Variants in LRRC47 observed in about 807,000 individuals in gnomAD.
LRRC47 encodes the protein leucine rich repeat containing 47, also known as leucine-rich repeat-containing protein 47.
Under a neutral mutation model 40.9 loss-of-function variants are expected in LRRC47, and 31 were observed. That is an observed-to-expected ratio of 0.76 (90% CI 0.57 to 1.02). The LOEUF (loss-of-function observed/expected upper bound fraction) is 1.02. Ranked by LOEUF, LRRC47 falls within the 50% of genes least tolerant of loss-of-function variation. LRRC47 has a pLI of 0.00. For missense variants in LRRC47, 726 were observed against 796.1 expected (o/e 0.91, Z 1.06); for synonymous variants, 427 against 371.9 (o/e 1.15, Z -1.70).
rs968899167 is a variant in LRRC47, at chr1:3,780,102, G to C, written c.*986C>G. Reference sequence around the variant, plus strand: ...GTGCCGTTCAAGGAAACGCACATCGGTTGGCTTCCCAAGTTTTCGGGTCTC... The same window carrying C: ...GTGCCGTTCAAGGAAACGCACATCGCTTGGCTTCCCAAGTTTTCGGGTCTC... On this transcript the variant is annotated 3_prime_UTR_variant, in exon 7 of 7. Coordinates refer to ENST00000378251, the MANE Select transcript of LRRC47 (RefSeq NM_020710.3). 14 of 152,218 alleles carry C rather than the reference G, an allele frequency of 9.2e-5. No homozygotes were observed. The highest frequency in any genetic ancestry group is 3.4e-4 in the African/African-American group (14 of 41,442). 9.4% of individuals were successfully genotyped at this position (152,218 alleles called of 1,614,324 possible).
chr1:3,782,805 G>C (rs766513821), intron 4 of LRRC47, 42 bp from the exon 5 acceptor site: 1 of 1,206,424 alleles, frequency 8.3e-7, no homozygotes, highest in Non-Finnish European at 1.2e-6. Flanking sequence ...AATTATAAAA[G>C]AAACACTGTG....
In LRRC47 at chr1:3,791,479, G is replaced by A. The variant is rs1488874350; in HGVS notation, c.616-4169C>T. Among the ~76,000 whole-genome samples the A allele has an allele frequency of 3.3e-5, 5 of 151,884 alleles. No individual in the cohort carries two copies. The South Asian group carries it at 6.2e-4, about 19-fold the overall frequency. On this transcript the variant is annotated intron_variant, in intron 1 of 6. Coordinates refer to ENST00000378251, the MANE Select transcript of LRRC47 (RefSeq NM_020710.3). The stretch of plus-strand genomic sequence containing the variant: ...TCTTTCTCTCCTTTTTTCTTGAGAC[G>A]AAGTTTCACTCTTATTGCCCAGACT...
At chr1:3,790,608 C>T (rs1051993004) in intron 1 of LRRC47, among the ~76,000 whole-genome samples, 5 of 152,214 alleles carry the variant, frequency 3.3e-5, no homozygotes, top group Non-Finnish European at 5.9e-5. Context: ...CAGGGAGGGC[C>T]GGCCGGGTGC....
chr1:3,796,277 C>T lies in LRRC47; in HGVS notation c.200G>A (p.Gly67Glu), dbSNP rs1643675475. ...CGGCAGGCCCTGCGCCAGGCCAGGC[C>T]CCGGCGCGCGCAAGCTCCCGCAGCC... ...VSGCGSLRAPGPGLAQGLPQL... is the reference protein window; with the variant it reads ...VSGCGSLRAPEPGLAQGLPQL... Residue 67 changes from glycine (G) to glutamate (E), a missense_variant, in exon 1 of 7, where the codon GGG (glycine) becomes GAG (glutamate). Gly to Glu is a moderately conservative substitution (Grantham distance 98, BLOSUM62 -2). Transcript: ENST00000378251. 1 of 1,478,830 alleles carries T rather than the reference C, an allele frequency of 6.8e-7. No homozygotes were observed. The highest frequency in any genetic ancestry group is 1.5e-5 in the African/African-American group (1 of 68,090). 91.6% of individuals were successfully genotyped at this position (1,478,830 alleles called of 1,614,324 possible). A position where few individuals can be genotyped will look rare whatever the true frequency, so the allele number is the denominator to read the frequency against.
intron 1 of LRRC47, among the ~76,000 whole-genome samples, chr1:3,789,478 G>T (rs1015249000): frequency 1.3e-5 from 2 of 152,288 alleles, no homozygotes; most frequent in Non-Finnish European, 2.9e-5. Context: ...TCAGACCCAG[G>T]AGCAGCAGCA....
At chr1:3,786,623 C>A (rs1472392177) in intron 2 of LRRC47, among the ~76,000 whole-genome samples, 1 of 152,242 alleles carries the variant, frequency 6.6e-6, no homozygotes, top group African/African-American at 2.4e-5. Context: ...GCTGGAGACA[C>A]CTGCCTCCCG....
Position 3,787,099 on chromosome 1 carries a change from T to C in LRRC47, c.827A>G (p.Glu276Gly), listed in dbSNP as rs779423452. ...CCTCTTCCTCCGGCTCTCTTCCTTC[T>C]CCGAGCCCTCGGCACGGCCCTTGCC... Reference protein sequence around the residue: ...GKGKGRAEGSEKEESRRKRRE... With the variant: ...GKGKGRAEGSGKEESRRKRRE... Residue 276 changes from glutamate (E) to glycine (G), a missense_variant, in exon 2 of 7, where the codon GAG becomes GGG. Transcript: ENST00000378251. 3.3e-5 allele frequency: 53 copies of C among 1,613,612 alleles called. No individual in the cohort carries two copies. The highest frequency in any genetic ancestry group is 2.7e-5 in the Non-Finnish European group (32 of 1,179,984).
chr1:3,786,239 C>G (rs949103169), intron 2 of LRRC47, among the ~76,000 whole-genome samples: 2 of 152,118 alleles, frequency 1.3e-5, no homozygotes, highest in East Asian at 3.9e-4. Flanking sequence ...GGCTGACACC[C>G]GTAATCCCCA....
intron 2 of LRRC47, among the ~76,000 whole-genome samples, chr1:3,786,456 C>T (rs530406617): frequency 4.9e-4 from 74 of 152,042 alleles, no homozygotes; most frequent in Non-Finnish European, 8.4e-4. Flanking sequence ...GATTAGACTG[C>T]GCCACCGTAC....
At chr1:3,786,161 C>T (rs1369336902) in intron 2 of LRRC47, among the ~76,000 whole-genome samples, 1 of 152,058 alleles carries the variant, frequency 6.6e-6, no homozygotes, top group Admixed American at 6.5e-5. Flanking sequence ...TGAGCCACCG[C>T]ACCAGCTGGA....
intron 1 of LRRC47, among the ~76,000 whole-genome samples, chr1:3,790,507 A>G (rs1643617392): frequency 6.6e-6 from 1 of 152,166 alleles, no homozygotes. Flanking sequence ...GCCACTTACA[A>G]TGCAGTCAGG....
rs1213370546 is a variant in LRRC47 at position 3,779,428 on chromosome 1, G to A, written c.*1660C>T. Reference sequence around the variant, plus strand: ...CACATGGCACCCAGATCGTAAGGCAGTGGGGTCTGTAAAATCATCGCGGTG... The same window carrying A: ...CACATGGCACCCAGATCGTAAGGCAATGGGGTCTGTAAAATCATCGCGGTG... On this transcript the variant is annotated 3_prime_UTR_variant, in exon 7 of 7. Transcript: ENST00000378251. 6.6e-6 allele frequency: 1 copy of A among 152,260 alleles called. No individual in the cohort carries two copies. The highest frequency in any genetic ancestry group is 1.5e-5 in the Non-Finnish European group (1 of 68,050). 9.4% of individuals were successfully genotyped at this position (152,260 alleles called of 1,614,324 possible).
At chr1:3,784,529 C>A (rs527860266) in intron 3 of LRRC47, among the ~76,000 whole-genome samples, 1 of 152,076 alleles carries the variant, frequency 6.6e-6, no homozygotes, top group East Asian at 1.9e-4. Flanking sequence ...ACTATCGGGA[C>A]AGAGACCAAA....
chr1:3,793,369 A>G (rs1643644133), intron 1 of LRRC47, among the ~76,000 whole-genome samples: 1 of 152,212 alleles, frequency 6.6e-6, no homozygotes. Context: ...CTGGGATTAC[A>G]GGCAGGAGCC....
chr1:3,784,213 G>A lies in LRRC47; in HGVS notation c.1195-102C>T, dbSNP rs371368494. The A allele has an allele frequency of 1.8e-4, 166 of 929,728 alleles. 1 individual carries two copies. Among genetic ancestry groups the A allele is most frequent in the Non-Finnish European group, 2.2e-4 (136 of 605,248 alleles). 57.6% of individuals were successfully genotyped at this position (929,728 alleles called of 1,614,324 possible). On this transcript the variant is annotated intron_variant, in intron 3 of 6. Transcript: ENST00000378251. ...GCCTCAATGAGCCCTCCCGACTCCCGCCCTCATTCATCTCTACAGCAGGCA... is the reference window on the plus strand; with the variant it reads ...GCCTCAATGAGCCCTCCCGACTCCCACCCTCATTCATCTCTACAGCAGGCA...
At chr1:3,782,858 G>A in intron 4 of LRRC47, 95 bp from the exon 5 acceptor site, 2 of 796,042 alleles carry the variant, frequency 2.5e-6, no homozygotes, top group Non-Finnish European at 4.5e-6. Flanking sequence ...CACTCAGGAG[G>A]CTGAGACAGG....
At position 3,787,946 on chromosome 1, in the gene LRRC47, C is replaced by G. The variant is rs111498220; in HGVS notation, c.616-636G>C. Among the ~76,000 whole-genome samples the G allele has an allele frequency of 3.1e-3, 472 of 152,328 alleles. 1 individual carries two copies. Among genetic ancestry groups the G allele is most frequent in the African/African-American group, 0.011 (448 of 41,562 alleles). ...CCCAGGACAGGTGCATCGGGCCCAC[C>G]ACCGTGTGCCACAAAGATGCCCAGG... On this transcript the variant is annotated intron_variant, in intron 1 of 6. Transcript: ENST00000378251.
In LRRC47 at chr1:3,781,233, G is replaced by A. The variant is rs773260509; in HGVS notation, c.1607C>T (p.Thr536Met). 6 of 1,614,214 alleles carry A rather than the reference G, an allele frequency of 3.7e-6. No homozygotes were observed. Among genetic ancestry groups the A allele is most frequent in the East Asian group, 4.5e-5 (2 of 44,882 alleles). ...CCCGTCCTTTCCAGCACTGGGATTC[G>A]TTGTGGGATCTGGAAGTTGTCCAGA... ...AVSGQLPDPT[T>M]NPSAGKDGPS... is the part of the protein sequence containing the mutation. Residue 536 changes from threonine (T) to methionine (M), a missense_variant, in exon 7 of 7, where the codon ACG becomes ATG. Coordinates refer to ENST00000378251, the MANE Select transcript of LRRC47 (RefSeq NM_020710.3).
At chr1:3,785,735 C>G (rs1254379666) in intron 2 of LRRC47, among the ~76,000 whole-genome samples, 1 of 152,168 alleles carries the variant, frequency 6.6e-6, no homozygotes, top group African/African-American at 2.4e-5. Context: ...CTTGCCAAAA[C>G]CTAAACAATT....
Sources: allele counts gnomAD v4.1 joint callset (sites outside exome capture counted in the v4.1 genomes callset), GRCh38; gene constraint gnomAD v4.1.1; transcripts MANE v1.5; gene names NCBI Gene and HGNC (gene_info 2026-07-23, HGNC 2026-07-21).